The following OR4A15 variants were observed in gnomAD, a reference collection of about 807,000 sequenced individuals.
OR4A15 encodes olfactory receptor 4A15.
For missense variants in OR4A15, 657 were observed against 374.7 expected, an observed-to-expected ratio of 1.75 and a Z score of -6.22; for synonymous variants, 240 against 135.6, an observed-to-expected ratio of 1.77 and a Z score of -5.35.
exon 1 of OR4A15, chr11:55,368,816 C>T (rs762413877): frequency 1.9e-5 from 31 of 1,613,112 alleles, no homozygotes; most frequent in Non-Finnish European, 2.5e-5. Flanking sequence ...CCATGCTGAA[C>T]CCACTAATCT....
At chr11:55,368,400 C>T (rs117628555) in exon 1 of OR4A15, 82,026 of 1,613,338 alleles carry the variant, frequency 0.051, 2,550 homozygotes, top group South Asian at 0.084. Flanking sequence ...TGTTCTTATG[C>T]TGTTGGCGGC....
At chr11:55,368,554 G>A (rs370776495) in exon 1 of OR4A15, 4 of 1,613,316 alleles carry the variant, frequency 2.5e-6, no homozygotes, top group African/African-American at 2.7e-5. Context: ...TATGTCACTG[G>A]GCTTTCTATG....
rs769430856 is a variant in OR4A15, at chr11:55,368,581, C to T, written c.608C>T (p.Ala203Val). The T allele has an allele frequency of 1.5e-5, 25 of 1,613,376 alleles. No individual in the cohort carries two copies. In the Middle Eastern group the frequency reaches 8.3e-4, roughly 53 times the overall value. The change falls in exon 1 of 1, where the codon GCG becomes GTG. Residue 203 changes from alanine (A) to valine (V), a missense_variant. By Grantham distance (64) the Ala-to-Val change is moderately conservative. Transcript: ENST00000641526. ...CTTTCTATGATAGCTAATGGAGGAG[C>T]GATTTGTGCTGTCACCTTCTTCACT... is the stretch of plus-strand genomic sequence containing the variant.
exon 1 of OR4A15, chr11:55,368,534 C>T (rs142374591): frequency 6.8e-6 from 11 of 1,613,160 alleles, no homozygotes; most frequent in Middle Eastern, 1.6e-4. Flanking sequence ...AACTTGCTTG[C>T]ACCAATACCT....
chr11:55,368,351 G>A (rs765423559), exon 1 of OR4A15: 13 of 1,613,182 alleles, frequency 8.1e-6, no homozygotes, highest in South Asian at 2.2e-5. Flanking sequence ...CCATCTGTAA[G>A]CCTCTTCATG....
At chr11:55,368,721 G>C (rs745418370) in exon 1 of OR4A15, 2 of 1,613,530 alleles carry the variant, frequency 1.2e-6, no homozygotes, top group South Asian at 2.2e-5. Flanking sequence ...TTTATTCTTT[G>C]TCCCCTGTAT....
exon 1 of OR4A15, chr11:55,368,795 T>A: frequency 6.2e-7 from 1 of 1,613,328 alleles, no homozygotes; most frequent in Non-Finnish European, 8.5e-7. Flanking sequence ...TAGTTCTAAC[T>A]TTTATAACTC....
At position 55,368,210 on chromosome 11, in the gene OR4A15, G is replaced by A. The variant is rs1853878346; in HGVS notation, c.237G>A (p.Met79Ile). The A allele has an allele frequency of 1.9e-6, 3 of 1,613,446 alleles. No homozygotes were observed. The South Asian group carries it at 3.3e-5, about 18-fold the overall frequency. ...ATTCTACTGCATTTGCTCCCAAAAT[G>A]ATTGTTGACTTGCTCTCTGAGAAAA... is the stretch of plus-strand genomic sequence containing the variant. The change falls in exon 1 of 1, where the codon ATG becomes ATA. Residue 79 changes from methionine (M) to isoleucine (I), a missense_variant. Met to Ile is a conservative substitution (Grantham distance 10, BLOSUM62 1). Coordinates refer to ENST00000641526, the Ensembl canonical transcript of OR4A15.
In OR4A15 at chr11:55,368,379, C is replaced by T. The variant is rs746232440; in HGVS notation, c.406C>T (p.Arg136Cys). The change falls in exon 1 of 1, where the codon CGT becomes TGT. Residue 136 changes from arginine to cysteine, a missense_variant. Arg to Cys is a radical substitution (Grantham distance 180). Coordinates refer to ENST00000641526, the Ensembl canonical transcript of OR4A15. ...TCTTCATGAATTGATCACCATGAAT[C>T]GTCGAGTCTGTGTTCTTATGCTGTT... 11 of 1,612,940 alleles carry T rather than the reference C, an allele frequency of 6.8e-6. No homozygotes were observed. The African/African-American group carries it at 9.3e-5, about 14-fold the overall frequency.
chr11:55,368,607 A>C lies in OR4A15; in HGVS notation c.634A>C (p.Ile212Leu), dbSNP rs539581929. 2.0e-5 allele frequency: 33 copies of C among 1,613,596 alleles called. No individual in the cohort carries two copies. The highest frequency in any genetic ancestry group is 1.7e-4 in the Middle Eastern group (1 of 6,056). Residue 212 changes from isoleucine (I) to leucine (L), a missense_variant, in exon 1 of 1, where the codon ATC (isoleucine) becomes CTC (leucine). Coordinates refer to ENST00000641526, the Ensembl canonical transcript of OR4A15. ...GATTTGTGCTGTCACCTTCTTCACTATCCTGCTTTCCTATGGGGTCATATT... is the reference window on the plus strand; with the variant it reads ...GATTTGTGCTGTCACCTTCTTCACTCTCCTGCTTTCCTATGGGGTCATATT...
At position 55,368,638 on chromosome 11, in the gene OR4A15, C is replaced by G. The variant is rs139908604; in HGVS notation, c.665C>G (p.Ser222Cys). 3.3e-5 allele frequency: 53 copies of G among 1,613,598 alleles called. No homozygotes were observed. Among genetic ancestry groups the G allele is most frequent in the South Asian group, 4.4e-5 (4 of 91,074 alleles). ...CTTTCCTATGGGGTCATATTACACT[C>G]TCTTAAGACTCAGAGTTTGGAAGGG... The change falls in exon 1 of 1, where the codon TCT (serine) becomes TGT (cysteine). Residue 222 changes from serine to cysteine, a missense_variant. Transcript: ENST00000641526.
Position 55,368,723 on chromosome 11 carries a change from C to T in OR4A15, c.750C>T (p.Val250=), listed in dbSNP as rs142365991. 2,005 of 1,613,620 alleles carry T rather than the reference C, an allele frequency of 1.2e-3. 1 individual carries two copies. Among genetic ancestry groups the T allele is most frequent in the Non-Finnish European group, 1.5e-3 (1,820 of 1,179,712 alleles). ...TCACTGTGGTCATTTTATTCTTTGT[C>T]CCCTGTATCTTCTTGTATGCAAGGC... is the stretch of plus-strand genomic sequence containing the variant. Residue 250 remains valine (V), a synonymous_variant, in exon 1 of 1, where the codon GTC becomes GTT. Transcript: ENST00000641526.
At position 55,368,083 on chromosome 11, in the gene OR4A15, T is replaced by C. The variant is rs150036437; in HGVS notation, c.110T>C (p.Ile37Thr). ...TTCTTACTAATCTACATGGTGACGA[T>C]AATGGGCAACCTGCTTATCATAGTG... The change falls in exon 1 of 1, where the codon ATA becomes ACA. Residue 37 changes from isoleucine to threonine, a missense_variant. Coordinates refer to ENST00000641526, the Ensembl canonical transcript of OR4A15. The C allele has an allele frequency of 1.9e-4, 301 of 1,613,192 alleles. 2 individuals are homozygous for C. Among genetic ancestry groups the C allele is most frequent in the Non-Finnish European group, 2.4e-4 (289 of 1,179,860 alleles).
exon 1 of OR4A15, chr11:55,368,414 G>T (rs1432557098): frequency 6.2e-7 from 1 of 1,613,490 alleles, no homozygotes; most frequent in Non-Finnish European, 8.5e-7. Context: ...TGGCGGCCTG[G>T]ATTGGAGGCT....
chr11:55,368,699 C>T (rs1853892129), exon 1 of OR4A15: 2 of 1,613,594 alleles, frequency 1.2e-6, no homozygotes, highest in Non-Finnish European at 1.7e-6. Flanking sequence ...CATCCCACGT[C>T]ACTGTGGTCA....
rs767396031 is a variant in OR4A15 at position 55,368,402 on chromosome 11, G to A, written c.429G>A (p.Leu143=). Residue 143 remains leucine (L), a synonymous_variant, in exon 1 of 1, where the codon CTG becomes CTA. Coordinates refer to ENST00000641526, the Ensembl canonical transcript of OR4A15. Reference sequence around the variant, plus strand: ...ATCGTCGAGTCTGTGTTCTTATGCTGTTGGCGGCCTGGATTGGAGGCTTTC... The same window carrying A: ...ATCGTCGAGTCTGTGTTCTTATGCTATTGGCGGCCTGGATTGGAGGCTTTC... The A allele has an allele frequency of 1.1e-5, 18 of 1,613,744 alleles. No homozygotes were observed. The South Asian group carries it at 1.6e-4, about 15-fold the overall frequency.
At chr11:55,368,560 C>A (rs757344608) in exon 1 of OR4A15, 4 of 1,613,472 alleles carry the variant, frequency 2.5e-6, no homozygotes, top group Non-Finnish European at 3.4e-6. Context: ...ACTGGGCTTT[C>A]TATGATAGCT....
chr11:55,368,436 T>C (rs377187666), exon 1 of OR4A15: 35 of 1,611,660 alleles, frequency 2.2e-5, no homozygotes, highest in Non-Finnish European at 2.7e-5. Flanking sequence ...TCTTCACTCA[T>C]TGGTTCAATT....
exon 1 of OR4A15, chr11:55,368,028 C>G: frequency 6.2e-7 from 1 of 1,613,432 alleles, no homozygotes; most frequent in South Asian, 1.1e-5. Flanking sequence ...CACACAGAAC[C>G]CTGAGGGGCA....
Sources: allele counts gnomAD v4.1 joint callset, GRCh38; gene constraint gnomAD v4.1.1; transcripts MANE v1.5; gene names NCBI Gene and HGNC (gene_info 2026-07-23, HGNC 2026-07-21).